The following NDST2 variants were observed in gnomAD, a reference collection of about 807,000 sequenced individuals.
The protein encoded by NDST2 is bifunctional heparan sulfate N-deacetylase/N-sulfotransferase 2.
In NDST2, 32 loss-of-function variants were observed where a neutral mutation model predicts 86.9. That is an observed-to-expected ratio of 0.37 (90% CI 0.28 to 0.49). NDST2 has a LOEUF of 0.49. Among genes scored for constraint, NDST2 ranks in the 20% least tolerant of loss-of-function variants. NDST2 has a pLI of 0.97. For missense variants in NDST2, 950 were observed against 1,146.9 expected (o/e 0.83, Z 2.48); for synonymous variants, 409 against 437.0 (o/e 0.94, Z 0.80).
At chr10:73,804,064 A>G in intron 9 of NDST2, 48 bp from the exon 10 acceptor site, 1 of 1,604,180 alleles carries the variant, frequency 6.2e-7, no homozygotes, top group South Asian at 1.1e-5. Flanking sequence ...GTGGGAGGGA[A>G]GCCAGCTCAA....
In NDST2 at chr10:73,803,673, G is replaced by A; in HGVS notation, c.2043C>T (p.Asp681=). The A allele has an allele frequency of 6.8e-6, 11 of 1,614,142 alleles. No homozygotes were observed. Among genetic ancestry groups the A allele is most frequent in the Non-Finnish European group, 9.3e-6 (11 of 1,180,026 alleles). ...CCCCCCGCCGTGGTACAACTTCAGA[G>A]TCAAAGTAGGTGGCACTTTTTTCAA... ...FLFEKSATYF[D]SEVVPRRGAA... is the part of the protein sequence containing the mutation. Residue 681 remains aspartate (D), a synonymous_variant, in exon 11 of 15, where the codon GAC becomes GAT. Coordinates refer to ENST00000309979, the MANE Select transcript of NDST2 (RefSeq NM_003635.4).
rs922185890 is a variant in NDST2 at position 73,810,914 on chromosome 10, C to T, written c.-446-11G>A. Reference sequence around the variant, plus strand: ...ATTTTAGCTTCATACCTGGAAGAAGCAGCAAGGTTTAGGGAAGGGGCGCCG... The same window carrying T: ...ATTTTAGCTTCATACCTGGAAGAAGTAGCAAGGTTTAGGGAAGGGGCGCCG... On this transcript the variant is annotated splice_polypyrimidine_tract_variant and intron_variant, in intron 1 of 14. Coordinates refer to ENST00000309979, the MANE Select transcript of NDST2 (RefSeq NM_003635.4). The T allele has an allele frequency of 2.5e-5, 10 of 398,996 alleles. No homozygotes were observed. The highest frequency in any genetic ancestry group is 4.0e-5 in the Non-Finnish European group (9 of 226,110). 24.7% of individuals were successfully genotyped at this position (398,996 alleles called of 1,614,324 possible). A position where few individuals can be genotyped will look rare whatever the true frequency, so the allele number is the denominator to read the frequency against.
intron 8 of NDST2, 41 bp downstream of exon 8, chr10:73,805,546 A>C: frequency 6.3e-7 from 1 of 1,593,574 alleles, no homozygotes; most frequent in Non-Finnish European, 8.6e-7. Context: ...AAAACACCCC[A>C]CCCCTATCAT....
At position 73,802,713 on chromosome 10, in the gene NDST2, G is replaced by A; in HGVS notation, c.2487C>T (p.Gly829=). The A allele has an allele frequency of 8.7e-6, 14 of 1,614,176 alleles. No individual in the cohort carries two copies. The highest frequency in any genetic ancestry group is 1.2e-5 in the Non-Finnish European group (14 of 1,180,044). Residue 829 remains glycine, a synonymous_variant, in exon 14 of 15, where the codon GGC becomes GGT. Coordinates refer to ENST00000309979, the MANE Select transcript of NDST2 (RefSeq NM_003635.4). ...GLEGGKTRCL[G]RSKGRRYPDM... ...CTGGATACCTCCGGCCTTTGCTCCGGCCTAGACAGCGAGTCTTACCACCTT... is the reference window on the plus strand; with the variant it reads ...CTGGATACCTCCGGCCTTTGCTCCGACCTAGACAGCGAGTCTTACCACCTT...
At chr10:73,811,015 T>G in intron 1 of NDST2, 112 bp from the exon 2 acceptor site, 4 of 389,960 alleles carry the variant, frequency 1.0e-5, no homozygotes, top group South Asian at 1.3e-4. Flanking sequence ...GGGAGATCTC[T>G]GAGGACGGCG....
In NDST2 at chr10:73,808,216, C is replaced by G; in HGVS notation, c.173G>C (p.Gly58Ala). Residue 58 changes from glycine to alanine, a missense_variant, in exon 3 of 15, where the codon GGT becomes GCT. Coordinates refer to ENST00000309979, the MANE Select transcript of NDST2 (RefSeq NM_003635.4). This position sits in a 1 kb window ranked among gnomAD's most constrained non-coding sequence, Gnocchi z 4.3. ...LPLPLGDCSS[G>A]GAAGPGPARP... Reference sequence around the variant, plus strand: ...TGCAGGGCCAGGACCAGCTGCCCCACCGCTGCTGCAGTCTCCCAAGGGCAG... The same window carrying G: ...TGCAGGGCCAGGACCAGCTGCCCCAGCGCTGCTGCAGTCTCCCAAGGGCAG... 6.2e-7 allele frequency: 1 copy of G among 1,613,090 alleles called. No individual in the cohort carries two copies. Among genetic ancestry groups the G allele is most frequent in the Non-Finnish European group, 8.5e-7 (1 of 1,179,480 alleles).
chr10:73,809,054 A>T (rs2084155210), intron 2 of NDST2: 1 of 152,296 alleles, frequency 6.6e-6, no homozygotes, highest in African/African-American at 2.4e-5. Context: ...GGCTAAAAAC[A>T]GGCCTGCTCT....
chr10:73,807,212 G>A lies in NDST2; in HGVS notation c.1006-17C>T, dbSNP rs958062930. 1 of 1,607,542 alleles carries A rather than the reference G, an allele frequency of 6.2e-7. No homozygotes were observed. Among genetic ancestry groups the A allele is most frequent in the African/African-American group, 1.3e-5 (1 of 74,848 alleles). ...CAACAGAGCCTGGGAAGAGTAGCAG[G>A]GACAAGAGAAATCAGGAGAGCAGAC... is the stretch of plus-strand genomic sequence containing the variant. On this transcript the variant is annotated splice_polypyrimidine_tract_variant and intron_variant, in intron 3 of 14. Coordinates refer to ENST00000309979, the MANE Select transcript of NDST2 (RefSeq NM_003635.4).
intron 2 of NDST2, among the ~76,000 whole-genome samples, chr10:73,810,102 A>G (rs1193606387): frequency 6.6e-6 from 1 of 152,058 alleles, no homozygotes; most frequent in African/African-American, 2.4e-5. Flanking sequence ...ACCCACCCCC[A>G]AACACACATC....
Position 73,808,491 on chromosome 10 carries a change from A to G in NDST2, c.-103T>C. 8.5e-7 allele frequency: 1 copy of G among 1,179,032 alleles called. No homozygotes were observed. Among genetic ancestry groups the G allele is most frequent in the Non-Finnish European group, 1.2e-6 (1 of 854,908 alleles). 73.0% of individuals were successfully genotyped at this position (1,179,032 alleles called of 1,614,324 possible). On this transcript the variant is annotated 5_prime_UTR_variant, in exon 3 of 15. Coordinates refer to ENST00000309979, the MANE Select transcript of NDST2 (RefSeq NM_003635.4). The surrounding 1 kb of genome is among the most constrained non-coding windows in gnomAD (Gnocchi z 4.3). The stretch of plus-strand genomic sequence containing the variant: ...CTTGGAAGGGTAGAAGGATAGGAAA[A>G]TAGGGGACAGGGATTCCCTTGGGGA...
chr10:73,810,646 TATC>T, intron 2 of NDST2, 150 bp downstream of exon 2: 1 of 390,390 alleles, frequency 2.6e-6, no homozygotes, highest in Non-Finnish European at 4.5e-6. Context: ...ACTCAGGGTG[TATC>T]ATCCCGTATT....
intron 2 of NDST2, among the ~76,000 whole-genome samples, chr10:73,809,757 G>C (rs2084164499): frequency 6.6e-6 from 1 of 152,150 alleles, no homozygotes; most frequent in South Asian, 2.1e-4. Context: ...TTTTTAGATG[G>C]AGTCTTGCTC....
chr10:73,806,060 GA>G lies in NDST2; in HGVS notation c.1435-33del. The G allele has an allele frequency of 6.2e-7, 1 of 1,610,378 alleles. No homozygotes were observed. The highest frequency in any genetic ancestry group is 1.1e-5 in the South Asian group (1 of 90,480). The stretch of plus-strand genomic sequence containing the variant: ...GGAAAAGAAAAAACAGATGAGATTT[GA>G]AAGATAGAATGAGAAGTAGATGGAG... On this transcript the variant is annotated intron_variant, in intron 6 of 14. Transcript: ENST00000309979. The surrounding 1 kb of genome is among the most constrained non-coding windows in gnomAD (Gnocchi z 4.5).
Position 73,807,582 on chromosome 10 carries a change from C to CA in NDST2, c.806dup (p.Leu271AlafsTer3). The CA allele has an allele frequency of 6.2e-7, 1 of 1,614,216 alleles. No homozygotes were observed. The highest frequency in any genetic ancestry group is 8.5e-7 in the Non-Finnish European group (1 of 1,180,042). ...CCCGCTGGATGCCATCATGAAGCCCCAGGTCCTGTACCACAGTGGGAAGCC... is the reference window on the plus strand; with the variant it reads ...CCCGCTGGATGCCATCATGAAGCCCCAAGGTCCTGTACCACAGTGGGAAGCC... On this transcript the variant is annotated frameshift_variant, in exon 3 of 15. Transcript: ENST00000309979. LOFTEE classifies it high-confidence loss of function.
intron 4 of NDST2, 83 bp downstream of exon 4, chr10:73,807,025 T>C: frequency 6.7e-7 from 1 of 1,484,930 alleles, no homozygotes; most frequent in Non-Finnish European, 9.4e-7. Context: ...GACCCTTTTC[T>C]TCAACTTGTC....
chr10:73,803,206 AAGTC>A lies in NDST2; in HGVS notation c.2292_2295del (p.Tyr766ThrfsTer7). On this transcript the variant is annotated frameshift_variant, in exon 12 of 15. Transcript: ENST00000309979. LOFTEE classifies it high-confidence loss of function. The stretch of plus-strand genomic sequence containing the variant: ...GATTATACCTGTCCAGAGGGGTAGT[AAGTC>A]AGCCAGCGTTGTAGATGGGTAGAAT... The A allele has an allele frequency of 6.2e-7, 1 of 1,614,212 alleles. No homozygotes were observed. The highest frequency in any genetic ancestry group is 8.5e-7 in the Non-Finnish European group (1 of 1,180,026).
chr10:73,802,712 G>A lies in NDST2; in HGVS notation c.2488C>T (p.Arg830Trp), dbSNP rs375290937. The A allele has an allele frequency of 6.9e-5, 112 of 1,614,096 alleles. No individual in the cohort carries two copies. Among genetic ancestry groups the A allele is most frequent in the Middle Eastern group, 1.6e-4 (1 of 6,062 alleles). Residue 830 changes from arginine (R) to tryptophan (W), a missense_variant, in exon 14 of 15, where the codon CGG (arginine) becomes TGG (tryptophan). Arg to Trp is a moderately radical substitution (Grantham distance 101, BLOSUM62 -3). This residue lies in a region of NDST2 where 303 missense variants were observed against 323.7 expected (regional missense o/e 0.94). Coordinates refer to ENST00000309979, the MANE Select transcript of NDST2 (RefSeq NM_003635.4). ...LEGGKTRCLGRSKGRRYPDMD... is the reference protein window; with the variant it reads ...LEGGKTRCLGWSKGRRYPDMD... ...TCTGGATACCTCCGGCCTTTGCTCC[G>A]GCCTAGACAGCGAGTCTTACCACCT...
intron 10 of NDST2, 42 bp downstream of exon 10, chr10:73,803,851 G>C: frequency 6.2e-7 from 1 of 1,614,088 alleles, no homozygotes; most frequent in Non-Finnish European, 8.5e-7. Context: ...TGGGGGAAGG[G>C]AGTGTTCCTC....
chr10:73,808,704 G>C lies in NDST2; in HGVS notation c.-316C>G. ...GCTGAGCGCCTCACATCAAAGGTCA[G>C]CAAAGTTCAATCTCTTCCCCTCTAC... On this transcript the variant is annotated 5_prime_UTR_variant, in exon 3 of 15. Transcript: ENST00000309979. This position sits in a 1 kb window ranked among gnomAD's most constrained non-coding sequence, Gnocchi z 4.3. 1 of 309,064 alleles carries C rather than the reference G, an allele frequency of 3.2e-6. No individual in the cohort carries two copies. Among genetic ancestry groups the C allele is most frequent in the Non-Finnish European group, 6.0e-6 (1 of 166,078 alleles). 19.1% of individuals were successfully genotyped at this position (309,064 alleles called of 1,614,324 possible).
Sources: gnomAD v4.1 joint callset for allele counts (sites outside exome capture counted in the v4.1 genomes callset) on GRCh38, gnomAD v4.1.1 for gene constraint, gnomAD v4.1.1 regional missense constraint, Gnocchi (gnomAD v3.1) non-coding constraint, MANE v1.5 for transcripts, NCBI Gene and HGNC (gene_info 2026-07-23, HGNC 2026-07-21) for gene names.